JAK2: variants seen among roughly 807,000 people sequenced by gnomAD.
JAK2 encodes the protein tyrosine-protein kinase JAK2.
Under a neutral mutation model 139.3 loss-of-function variants are expected in JAK2, and 86 were observed. The ratio of observed to expected loss-of-function variants is 0.62; its 90% CI spans 0.52 to 0.74. JAK2 has a LOEUF of 0.74. Ranked by LOEUF, JAK2 falls within the 30% of genes least tolerant of loss-of-function variation. The pLI is 0.00. For synonymous variants in JAK2, 490 were observed against 437.7 expected (o/e 1.12, Z -1.49); for missense variants, 1,421 against 1,360.3 (o/e 1.04, Z -0.70).
chr9:5,042,988 G>C lies in JAK2; in HGVS notation c.351-1415G>C, dbSNP rs560473332. ...GTGCTCCGACCCTCAGAAGCTGAGG[G>C]GGGTGGGCCGGCTGGCGTCGCGCGG... On this transcript the variant is annotated intron_variant, in intron 4 of 24. Transcript: ENST00000381652. 4.0e-3 allele frequency among the ~76,000 whole-genome samples: 613 copies of C among 152,340 alleles called. 4 individuals carry two copies. The highest frequency in any genetic ancestry group is 0.014 in the African/African-American group (580 of 41,586).
intron 22 of JAK2, chr9:5,097,443 A>G (rs1473338273): frequency 1.3e-5 from 2 of 152,158 alleles, no homozygotes; most frequent in Non-Finnish European, 2.9e-5. Context: ...ATTACTCTGG[A>G]AAAAAGGAGC....
chr9:5,005,994 T>C (rs1821274053), intron 2 of JAK2, among the ~76,000 whole-genome samples: 1 of 152,212 alleles, frequency 6.6e-6, no homozygotes, highest in African/African-American at 2.4e-5. Context: ...TTTGGTTCCA[T>C]ATGAACTTTA....
chr9:5,126,278 A>G (rs1443699714), intron 23 of JAK2, 55 bp from the exon 24 acceptor site: 14 of 1,288,764 alleles, frequency 1.1e-5, no homozygotes, highest in Non-Finnish European at 1.3e-5. Context: ...AAATTGAGAA[A>G]GAATTTTGCT....
intron 4 of JAK2, among the ~76,000 whole-genome samples, chr9:5,037,587 C>G (rs1816150640): frequency 6.6e-6 from 1 of 152,130 alleles, no homozygotes; most frequent in South Asian, 2.1e-4. Context: ...AACCATCATT[C>G]TCAGCAAACT....
At chr9:5,002,880 T>A (rs770583677) in intron 2 of JAK2, among the ~76,000 whole-genome samples, 1 of 152,022 alleles carries the variant, frequency 6.6e-6, no homozygotes, top group African/African-American at 2.4e-5. Context: ...CACATTGGTC[T>A]GTTTTCCATC....
chr9:5,052,753 A>AT (rs896154947), intron 6 of JAK2, among the ~76,000 whole-genome samples: 13 of 151,802 alleles, frequency 8.6e-5, no homozygotes, highest in Admixed American at 7.2e-4. Flanking sequence ...GTGGTGTGGC[A>AT]TTTTTTTTGT....
At chr9:5,067,297 TC>T (rs1365702740) in intron 10 of JAK2, among the ~76,000 whole-genome samples, 1 of 152,114 alleles carries the variant, frequency 6.6e-6, no homozygotes, top group Non-Finnish European at 1.5e-5. Context: ...AATGCATGTT[TC>T]AACGGTAAAA....
rs1822464540 is a variant in JAK2 at position 5,022,014 on chromosome 9, A to G, written c.27A>G (p.Thr9=). 1.2e-6 allele frequency: 2 copies of G among 1,614,078 alleles called. No homozygotes were observed. The highest frequency in any genetic ancestry group is 4.5e-5 in the East Asian group (2 of 44,890). Residue 9 remains threonine (T), a synonymous_variant, in exon 3 of 25, where the codon ACA becomes ACG. Transcript: ENST00000381652. MGMACLTM[T]EMEGTSTSSI... ...TGGGAATGGCCTGCCTTACGATGAC[A>G]GAAATGGAGGGAACATCCACCTCTT... is the stretch of plus-strand genomic sequence containing the variant.
chr9:5,003,021 C>T lies in JAK2; in HGVS notation c.-26+16999C>T, dbSNP rs182782259. 3.6e-3 allele frequency among the ~76,000 whole-genome samples: 540 copies of T among 152,078 alleles called. 3 individuals carry two copies. The highest frequency in any genetic ancestry group is 0.012 in the African/African-American group (519 of 41,542). On this transcript the variant is annotated intron_variant, in intron 2 of 24. Transcript: ENST00000381652. Reference sequence around the variant, plus strand: ...ATTTCTTCACTGAAATGCAATGGCACATCTGTTCCAAATTAGGTAACTGTA... The same window carrying T: ...ATTTCTTCACTGAAATGCAATGGCATATCTGTTCCAAATTAGGTAACTGTA...
chr9:5,004,089 A>T (rs915240092), intron 2 of JAK2, among the ~76,000 whole-genome samples: 1 of 152,164 alleles, frequency 6.6e-6, no homozygotes, highest in Non-Finnish European at 1.5e-5. Context: ...AGAATGGCAA[A>T]ATCAGTCTAA....
At chr9:5,126,279 G>C in intron 23 of JAK2, 54 bp from the exon 24 acceptor site, 3 of 1,295,168 alleles carry the variant, frequency 2.3e-6, no homozygotes, top group Non-Finnish European at 2.2e-6. Context: ...AATTGAGAAA[G>C]AATTTTGCTA....
At chr9:5,096,102 T>G (rs1820965481) in intron 22 of JAK2, among the ~76,000 whole-genome samples, 1 of 152,208 alleles carries the variant, frequency 6.6e-6, no homozygotes, top group South Asian at 2.1e-4. Context: ...TGTAGTTTTA[T>G]ATATGCCTAA....
intron 2 of JAK2, among the ~76,000 whole-genome samples, chr9:5,021,150 C>A (rs1822401538): frequency 1.3e-5 from 2 of 152,166 alleles, no homozygotes; most frequent in Non-Finnish European, 2.9e-5. Context: ...TCTGGCTGAT[C>A]CTGGCTGAGC....
chr9:5,060,603 C>T (rs1310186415), intron 8 of JAK2, among the ~76,000 whole-genome samples: 1 of 152,214 alleles, frequency 6.6e-6, no homozygotes, highest in Non-Finnish European at 1.5e-5. Flanking sequence ...ACATCTTCAG[C>T]TCTACTTCTA....
intron 22 of JAK2, among the ~76,000 whole-genome samples, chr9:5,103,144 A>G (rs1821651046): frequency 6.9e-6 from 1 of 144,948 alleles, no homozygotes; most frequent in Middle Eastern, 3.3e-3. Context: ...TGTATTCAGG[A>G]GACCAATCTC....
intron 3 of JAK2, among the ~76,000 whole-genome samples, chr9:5,025,654 C>A (rs181495092): frequency 1.3e-5 from 2 of 152,060 alleles, no homozygotes; most frequent in Non-Finnish European, 1.5e-5. Context: ...TTCCCTCAGC[C>A]TCCTGACTAG....
chr9:5,060,637 A>G (rs934404953), intron 8 of JAK2, among the ~76,000 whole-genome samples: 12 of 152,080 alleles, frequency 7.9e-5, no homozygotes, highest in African/African-American at 2.7e-4. Flanking sequence ...TGCTATTTCT[A>G]CCACATCCTA....
Position 5,062,500 on chromosome 9 carries a change from T to TAAAAAAAAAAAAAA in JAK2, c.1057-2365_1057-2352dup, listed in dbSNP as rs58424625. On this transcript the variant is annotated intron_variant, in intron 8 of 24. Coordinates refer to ENST00000381652, the MANE Select transcript of JAK2 (RefSeq NM_004972.4). The stretch of plus-strand genomic sequence containing the variant: ...AAGTTTGTCAGAAACCTTCCATTTG[T>TAAAAAAAAAAAAAA]AAAAAAAAAAAAAAAAAAAAAAAAA... Among the ~76,000 whole-genome samples, 126 of 58,218 alleles carry TAAAAAAAAAAAAAA rather than the reference T, an allele frequency of 2.2e-3. 20 individuals carry two copies. Among genetic ancestry groups the TAAAAAAAAAAAAAA allele is most frequent in the African/African-American group, 0.011 (110 of 9,576 alleles). The allele number at this position is 58,218 out of a possible 152,430, so 38.2% of individuals were successfully genotyped here.
In JAK2 at chr9:5,127,541, C is replaced by A. The variant is rs1417077774; in HGVS notation, c.*750C>A. The A allele has an allele frequency of 4.3e-6, 1 of 231,056 alleles. No individual in the cohort carries two copies. Among genetic ancestry groups the A allele is most frequent in the African/African-American group, 2.2e-5 (1 of 45,174 alleles). The allele number at this position is 231,056 out of a possible 1,614,324, so 14.3% of individuals were successfully genotyped here. A position where few individuals can be genotyped will look rare whatever the true frequency, so the allele number is the denominator to read the frequency against. On this transcript the variant is annotated 3_prime_UTR_variant, in exon 25 of 25. Transcript: ENST00000381652. ...TATTTTATTATGGTTTCCCTTGTAT[C>A]TATTTGTGGTGAATGTGTTTTTTAA...
Sources: allele counts gnomAD v4.1 joint callset (sites outside exome capture counted in the v4.1 genomes callset), GRCh38; gene constraint gnomAD v4.1.1; transcripts MANE v1.5; gene names NCBI Gene and HGNC (gene_info 2026-07-23, HGNC 2026-07-21).